The following SLAIN2 variants were observed in gnomAD, a reference collection of about 807,000 sequenced individuals.
SLAIN2 encodes the protein SLAIN motif-containing protein 2.
A neutral mutation model predicts 56.6 loss-of-function variants in SLAIN2; 31 were observed. That is an observed-to-expected ratio of 0.55 (90% CI 0.41 to 0.74). SLAIN2 has a LOEUF of 0.74. Among genes scored for constraint, SLAIN2 ranks in the 30% least tolerant of loss-of-function variants. The pLI is 0.00. For synonymous variants in SLAIN2, 317 were observed against 284.9 expected, an observed-to-expected ratio of 1.11 and a Z score of -1.13; for missense variants, 777 against 754.2, an observed-to-expected ratio of 1.03 and a Z score of -0.35.
chr4:48,363,946 G>A (rs371291851), intron 1 of SLAIN2, among the ~76,000 whole-genome samples: 43,055 of 103,316 alleles, frequency 0.42, 8,965 homozygotes, highest in South Asian at 0.55. Flanking sequence ...CCTCCCTCCC[G>A]GACGGGGCGG....
intron 6 of SLAIN2, among the ~76,000 whole-genome samples, chr4:48,409,757 G>C (rs949908930): frequency 6.6e-6 from 1 of 152,068 alleles, no homozygotes; most frequent in African/African-American, 2.4e-5. Flanking sequence ...GGTGGTGGGC[G>C]CCTGTAACCT....
chr4:48,382,562 T>G lies in SLAIN2; in HGVS notation c.863-6T>G. 1 of 1,553,494 alleles carries G rather than the reference T, an allele frequency of 6.4e-7. No individual in the cohort carries two copies. Among genetic ancestry groups the G allele is most frequent in the Non-Finnish European group, 8.8e-7 (1 of 1,142,678 alleles). On this transcript the variant is annotated splice_polypyrimidine_tract_variant and splice_region_variant and intron_variant, in intron 4 of 7. Transcript: ENST00000264313. ...TGTTTAAATAAATAACATTCATTGT[T>G]GCCAGGTCTCCGGCAAGAATATGCA...
intron 6 of SLAIN2, among the ~76,000 whole-genome samples, chr4:48,414,254 T>C (rs1716938299): frequency 6.6e-6 from 1 of 152,182 alleles, no homozygotes; most frequent in Non-Finnish European, 1.5e-5. Context: ...ACATTTTGGG[T>C]AATAACTTAA....
chr4:48,353,189 A>G (rs1358899023), intron 1 of SLAIN2, among the ~76,000 whole-genome samples: 2 of 152,194 alleles, frequency 1.3e-5, no homozygotes, highest in Non-Finnish European at 2.9e-5. Context: ...AAAATTAAGA[A>G]TAAGTTAAGG....
At chr4:48,377,399 G>A (rs1289486188) in intron 2 of SLAIN2, among the ~76,000 whole-genome samples, 6 of 144,864 alleles carry the variant, frequency 4.1e-5, no homozygotes, top group South Asian at 2.2e-4. Flanking sequence ...AGCTGGTCTC[G>A]AACTCCTGAC....
chr4:48,356,623 A>G (rs1275608346), intron 1 of SLAIN2, among the ~76,000 whole-genome samples: 1 of 152,172 alleles, frequency 6.6e-6, no homozygotes, highest in Admixed American at 6.5e-5. Context: ...TTTCTGATTG[A>G]TGCAGTCTAG....
chr4:48,424,696 A>G lies in SLAIN2; in HGVS notation c.*2619A>G, dbSNP rs1717253709. On this transcript the variant is annotated 3_prime_UTR_variant, in exon 8 of 8. Transcript: ENST00000264313. Reference sequence around the variant, plus strand: ...TTCAGTTTCGTATCCTGGAAATCACATTTTGTAAAACTGGGGACCATTCAT... The same window carrying G: ...TTCAGTTTCGTATCCTGGAAATCACGTTTTGTAAAACTGGGGACCATTCAT... 2 of 152,004 alleles carry G rather than the reference A, an allele frequency of 1.3e-5. No homozygotes were observed. 9.4% of individuals were successfully genotyped at this position (152,004 alleles called of 1,614,324 possible).
At chr4:48,400,766 C>CGTTT (rs150241036) in intron 6 of SLAIN2, among the ~76,000 whole-genome samples, 10 of 151,626 alleles carry the variant, frequency 6.6e-5, no homozygotes, top group Non-Finnish European at 1.2e-4. Flanking sequence ...CTTCTAAATT[C>CGTTT]GTTTGTTTGT....
At chr4:48,343,771 G>A (rs1156854215) in intron 1 of SLAIN2, among the ~76,000 whole-genome samples, 1 of 152,156 alleles carries the variant, frequency 6.6e-6, no homozygotes, top group South Asian at 2.1e-4. Flanking sequence ...AATTACTCTT[G>A]AGTATATGAT....
intron 1 of SLAIN2, among the ~76,000 whole-genome samples, chr4:48,342,439 A>C (rs1714738677): frequency 6.6e-6 from 1 of 152,100 alleles, no homozygotes; most frequent in Admixed American, 6.6e-5. Context: ...CGGAGGTGGG[A>C]AACTGCTTTG....
At chr4:48,377,103 G>T (rs1715838080) in intron 2 of SLAIN2, among the ~76,000 whole-genome samples, 1 of 151,568 alleles carries the variant, frequency 6.6e-6, no homozygotes, top group East Asian at 1.9e-4. Context: ...CACTTTAGGA[G>T]GCCAAGATAG....
At chr4:48,348,102 A>C (rs1353871333) in intron 1 of SLAIN2, among the ~76,000 whole-genome samples, 1 of 152,054 alleles carries the variant, frequency 6.6e-6, no homozygotes, top group Non-Finnish European at 1.5e-5. Context: ...GAACTTTTTG[A>C]GTATTTGAAG....
intron 6 of SLAIN2, among the ~76,000 whole-genome samples, chr4:48,388,958 A>G (rs1044527796): frequency 1.2e-4 from 18 of 152,224 alleles, no homozygotes; most frequent in Admixed American, 3.9e-4. Flanking sequence ...AGAGAGAAGG[A>G]CGACTGTCCA....
chr4:48,353,597 T>G (rs1471633381), intron 1 of SLAIN2, among the ~76,000 whole-genome samples: 1 of 152,236 alleles, frequency 6.6e-6, no homozygotes, highest in Non-Finnish European at 1.5e-5. Flanking sequence ...CAGAAGGTTT[T>G]TTTTACTGGA....
intron 1 of SLAIN2, among the ~76,000 whole-genome samples, chr4:48,363,883 GC>G (rs1215580494): frequency 7.3e-6 from 1 of 137,098 alleles, no homozygotes; most frequent in African/African-American, 2.8e-5. Flanking sequence ...GGGCAGAGGC[GC>G]CCCTCACCTC....
intron 1 of SLAIN2, among the ~76,000 whole-genome samples, chr4:48,347,276 C>G (rs574403992): frequency 3.5e-4 from 53 of 152,190 alleles, no homozygotes; most frequent in African/African-American, 1.2e-3. Context: ...TTCTGTGGAC[C>G]AGGGGTGGGG....
chr4:48,410,340 A>G (rs1436637929), intron 6 of SLAIN2, among the ~76,000 whole-genome samples: 4 of 150,978 alleles, frequency 2.6e-5, no homozygotes, highest in Non-Finnish European at 4.4e-5. Context: ...CAAGTCCCAT[A>G]TCAGATCCAT....
intron 6 of SLAIN2, among the ~76,000 whole-genome samples, chr4:48,389,761 A>G (rs1260999981): frequency 6.6e-6 from 1 of 152,222 alleles, no homozygotes; most frequent in Non-Finnish European, 1.5e-5. Context: ...TGTAGGGTGT[A>G]TGATGGGTAA....
intron 3 of SLAIN2, among the ~76,000 whole-genome samples, chr4:48,379,096 G>T (rs1278669053): frequency 1.3e-5 from 2 of 152,112 alleles, no homozygotes; most frequent in Non-Finnish European, 2.9e-5. Context: ...TTTTTTGGAT[G>T]TGTGTATTCT....
Sources: allele counts gnomAD v4.1 joint callset (sites outside exome capture counted in the v4.1 genomes callset), GRCh38; gene constraint gnomAD v4.1.1; transcripts MANE v1.5; gene names NCBI Gene and HGNC (gene_info 2026-07-23, HGNC 2026-07-21).